ZSCAN32: variants seen among roughly 807,000 people sequenced by gnomAD.
ZSCAN32 encodes the protein zinc finger and SCAN domain containing 32, also known as zinc finger and SCAN domain-containing protein 32.
In ZSCAN32, 52 loss-of-function variants were observed where a neutral mutation model predicts 47.4. The ratio of observed to expected loss-of-function variants is 1.10; its 90% CI spans 0.88 to 1.38. The LOEUF (loss-of-function observed/expected upper bound fraction) is 1.38. Among genes scored for constraint, ZSCAN32 ranks in the 40% most tolerant of loss-of-function variants. The pLI is 0.00. For synonymous variants in ZSCAN32, 346 were observed against 305.7 expected (o/e 1.13, Z -1.38); for missense variants, 959 against 846.0 (o/e 1.13, Z -1.66).
chr16:3,392,468 C>T (rs570490619), intron 3 of ZSCAN32, among the ~76,000 whole-genome samples: 1 of 151,490 alleles, frequency 6.6e-6, no homozygotes, highest in East Asian at 1.9e-4. Flanking sequence ...CCGCTTCAGC[C>T]TCCCAAAGTG....
chr16:3,393,292 C>T (rs2033039028), intron 3 of ZSCAN32, among the ~76,000 whole-genome samples: 1 of 84,982 alleles, frequency 1.2e-5, no homozygotes, highest in Non-Finnish European at 2.3e-5. Context: ...GGCTGGAATA[C>T]AGTGGTGCGA....
intron 4 of ZSCAN32, 78 bp from the exon 5 acceptor site, chr16:3,390,211 A>G: frequency 6.7e-7 from 1 of 1,497,908 alleles, no homozygotes. Context: ...ACAGGATCAC[A>G]GTTGTCAGAT....
At chr16:3,391,334 G>C (rs1175941828) in intron 3 of ZSCAN32, among the ~76,000 whole-genome samples, 1 of 152,154 alleles carries the variant, frequency 6.6e-6, no homozygotes, top group African/African-American at 2.4e-5. Flanking sequence ...TAAATGCTAA[G>C]TGGCAAAGTT....
At chr16:3,393,513 A>G in intron 3 of ZSCAN32, 136 bp downstream of exon 3, 2 of 853,210 alleles carry the variant, frequency 2.3e-6, no homozygotes, top group Non-Finnish European at 3.3e-6. Context: ...GCGTGAGCCA[A>G]CACGCCCTGC....
intron 3 of ZSCAN32, among the ~76,000 whole-genome samples, chr16:3,391,415 C>T (rs2032681203): frequency 6.6e-6 from 1 of 152,172 alleles, no homozygotes; most frequent in Admixed American, 6.5e-5. Context: ...CGGTGGCTCA[C>T]GCCTGTAATC....
chr16:3,393,824 G>A lies in ZSCAN32; in HGVS notation c.367-10C>T. On this transcript the variant is annotated splice_polypyrimidine_tract_variant and intron_variant, in intron 2 of 6. Coordinates refer to ENST00000396852, the MANE Select transcript of ZSCAN32 (RefSeq NM_001284527.2). ...TCTCAGAATCTAGAACCTGAGAACA[G>A]ACCCCATTATCTATCACTACAAATT... 1 of 1,540,052 alleles carries A rather than the reference G, an allele frequency of 6.5e-7. No individual in the cohort carries two copies. Among genetic ancestry groups the A allele is most frequent in the Non-Finnish European group, 8.8e-7 (1 of 1,139,570 alleles).
chr16:3,397,596 AC>A lies in ZSCAN32; in HGVS notation c.-40del. ...CTGGCTTACTCTGGTTGCCACTTCT[AC>A]CCTGGAGATCAGAGTCCATCTTTCC... On this transcript the variant is annotated 5_prime_UTR_variant, in exon 2 of 7. An upstream open reading frame in the 5' UTR loses its in-frame stop. Coordinates refer to ENST00000396852, the MANE Select transcript of ZSCAN32 (RefSeq NM_001284527.2). 1.4e-6 allele frequency: 2 copies of A among 1,477,472 alleles called. No homozygotes were observed. The allele number at this position is 1,477,472 out of a possible 1,614,324, so 91.5% of individuals were successfully genotyped here.
chr16:3,399,283 C>T (rs2033666482), intron 1 of ZSCAN32, among the ~76,000 whole-genome samples: 2 of 152,098 alleles, frequency 1.3e-5, no homozygotes, highest in South Asian at 4.2e-4. Context: ...TACCCACTTC[C>T]CCAGAAGTGG....
chr16:3,384,088 C>G, intron 6 of ZSCAN32: 1 of 471,654 alleles, frequency 2.1e-6, no homozygotes, highest in Non-Finnish European at 3.7e-6. Context: ...CCAGCTCAAA[C>G]AGGAAGAAAG....
intron 6 of ZSCAN32, 199 bp downstream of exon 6, chr16:3,384,260 G>A: frequency 1.5e-6 from 1 of 674,718 alleles, no homozygotes; most frequent in East Asian, 2.7e-5. Context: ...AGTTGAAAGA[G>A]GTTGGCAAAT....
chr16:3,387,847 C>A (rs930759325), intron 5 of ZSCAN32, among the ~76,000 whole-genome samples: 13 of 152,162 alleles, frequency 8.5e-5, no homozygotes, highest in African/African-American at 2.7e-4. Context: ...AGGTCACAGT[C>A]CTATAGAAGT....
intron 2 of ZSCAN32, among the ~76,000 whole-genome samples, chr16:3,396,033 C>T (rs867035749): frequency 6.6e-6 from 1 of 152,030 alleles, no homozygotes; most frequent in South Asian, 2.1e-4. Context: ...AGTGTGATTC[C>T]GACATGGTTA....
At chr16:3,388,593 T>C (rs1217044460) in intron 5 of ZSCAN32, among the ~76,000 whole-genome samples, 1 of 152,232 alleles carries the variant, frequency 6.6e-6, no homozygotes, top group African/African-American at 2.4e-5. Context: ...AGGTCTGAGA[T>C]ACTGTAGGCA....
intron 1 of ZSCAN32, among the ~76,000 whole-genome samples, chr16:3,399,431 T>C (rs771207067): frequency 1.7e-4 from 26 of 152,184 alleles, no homozygotes; most frequent in Non-Finnish European, 3.1e-4. Context: ...TGTCCCACTC[T>C]CTACTCCACT....
chr16:3,390,063 T>C lies in ZSCAN32; in HGVS notation c.698A>G (p.Gln233Arg), dbSNP rs768005417. The C allele has an allele frequency of 6.2e-7, 1 of 1,613,978 alleles. No individual in the cohort carries two copies. Among genetic ancestry groups the C allele is most frequent in the Admixed American group, 1.7e-5 (1 of 60,008 alleles). Residue 233 changes from glutamine (Q) to arginine (R), a missense_variant, in exon 5 of 7, where the codon CAA (glutamine) becomes CGA (arginine). Gln to Arg is a conservative substitution (Grantham distance 43, BLOSUM62 1). Coordinates refer to ENST00000396852, the MANE Select transcript of ZSCAN32 (RefSeq NM_001284527.2). ...GGTGGCACCCCTGTAGAGGGCCCTT[T>C]GTGCAGGGCCTGGGCACATCCATTC... is the stretch of plus-strand genomic sequence containing the variant. ...QQEWMCPGPAQRALYRGATQR... is the reference protein window; with the variant it reads ...QQEWMCPGPARRALYRGATQR...
At position 3,397,678 on chromosome 16, in the gene ZSCAN32, G is replaced by T; in HGVS notation, c.-121C>A. ...AGGAATGTCTTTCTGTAATCCGTGGGACATGAGAGTGTCAGACATGTGTAG... is the reference window on the plus strand; with the variant it reads ...AGGAATGTCTTTCTGTAATCCGTGGTACATGAGAGTGTCAGACATGTGTAG... On this transcript the variant is annotated 5_prime_UTR_variant, in exon 2 of 7. Transcript: ENST00000396852. 1 of 1,315,942 alleles carries T rather than the reference G, an allele frequency of 7.6e-7. No homozygotes were observed. Among genetic ancestry groups the T allele is most frequent in the Non-Finnish European group, 1.0e-6 (1 of 989,164 alleles). The allele number at this position is 1,315,942 out of a possible 1,614,324, so 81.5% of individuals were successfully genotyped here.
intron 3 of ZSCAN32, among the ~76,000 whole-genome samples, chr16:3,390,810 C>G (rs1262822099): frequency 2.0e-5 from 3 of 152,092 alleles, no homozygotes; most frequent in Non-Finnish European, 4.4e-5. Context: ...TCATGAGATT[C>G]CTCTTGGCAT....
chr16:3,386,295 G>T (rs1450058252), intron 5 of ZSCAN32, among the ~76,000 whole-genome samples: 1 of 152,140 alleles, frequency 6.6e-6, no homozygotes, highest in African/African-American at 2.4e-5. Context: ...GAAACAACAG[G>T]TGCTGGAGAG....
At chr16:3,398,106 A>G (rs903004706) in intron 1 of ZSCAN32, among the ~76,000 whole-genome samples, 3 of 152,220 alleles carry the variant, frequency 2.0e-5, no homozygotes, top group Non-Finnish European at 4.4e-5. Context: ...ATTAAAGACA[A>G]CTAGGTTAGG....
Sources: allele counts gnomAD v4.1 joint callset (sites outside exome capture counted in the v4.1 genomes callset), GRCh38; gene constraint gnomAD v4.1.1; transcripts MANE v1.5; gene names NCBI Gene and HGNC (gene_info 2026-07-23, HGNC 2026-07-21).